ADCY1: variants seen among roughly 807,000 people sequenced by gnomAD.
The protein encoded by ADCY1 is adenylate cyclase type 1.
A neutral mutation model predicts 105.4 loss-of-function variants in ADCY1; 28 were observed. The ratio of observed to expected loss-of-function variants is 0.27; its 90% CI spans 0.20 to 0.36. ADCY1 has a LOEUF of 0.36. Among genes scored for constraint, ADCY1 ranks in the 10% least tolerant of loss-of-function variants. ADCY1 has a pLI of 1.00. For synonymous variants in ADCY1, 655 were observed against 623.8 expected, an observed-to-expected ratio of 1.05 and a Z score of -0.75; for missense variants, 977 against 1,434.2, an observed-to-expected ratio of 0.68 and a Z score of 5.15.
chr7:45,628,710 C>CG (rs1472045335), intron 4 of ADCY1, among the ~76,000 whole-genome samples: 1 of 152,162 alleles, frequency 6.6e-6, no homozygotes, highest in African/African-American at 2.4e-5. Context: ...ACATAATACT[C>CG]TGTCTTCTGC....
At chr7:45,705,449 T>C (rs1030880539) in intron 17 of ADCY1, among the ~76,000 whole-genome samples, 2 of 152,080 alleles carry the variant, frequency 1.3e-5, no homozygotes, top group African/African-American at 4.8e-5. Flanking sequence ...TTTCATCAAA[T>C]CAACAGGATA....
intron 2 of ADCY1, among the ~76,000 whole-genome samples, chr7:45,609,220 C>T (rs1480468467): frequency 2.0e-5 from 3 of 152,218 alleles, no homozygotes; most frequent in Admixed American, 1.3e-4. Context: ...GGTGTCTGGG[C>T]ACCTGTGCTC....
chr7:45,636,654 C>T (rs1383411922), intron 4 of ADCY1, among the ~76,000 whole-genome samples: 1 of 152,196 alleles, frequency 6.6e-6, no homozygotes, highest in East Asian at 1.9e-4. Context: ...GATTCTCCTG[C>T]CTCAACCTCT....
At position 45,703,860 on chromosome 7, in the gene ADCY1, G is replaced by A. The variant is rs1584343629; in HGVS notation, c.2718+114G>A. On this transcript the variant is annotated intron_variant, in intron 16 of 19. Transcript: ENST00000297323. The surrounding 1 kb of genome is among the most constrained non-coding windows in gnomAD (Gnocchi z 5.9). The stretch of plus-strand genomic sequence containing the variant: ...TTCTTCGTAGCTGGAATGAGAGAAA[G>A]CAAATCCCGGGAAGCACAGGCATTC... 1.4e-6 allele frequency: 2 copies of A among 1,403,638 alleles called. No individual in the cohort carries two copies. The highest frequency in any genetic ancestry group is 2.9e-5 in the African/African-American group (2 of 69,604). 86.9% of individuals were successfully genotyped at this position (1,403,638 alleles called of 1,614,324 possible).
intron 17 of ADCY1, among the ~76,000 whole-genome samples, chr7:45,706,789 A>T (rs117603491): frequency 0.015 from 2,301 of 152,296 alleles, 25 homozygotes; most frequent in South Asian, 0.038. Context: ...TTAGTAGAAA[A>T]TCTTTGCAAG....
In ADCY1 at chr7:45,714,714, T is replaced by G. The variant is rs1785330470; in HGVS notation, c.*719T>G. The G allele has an allele frequency of 6.6e-6, 1 of 152,656 alleles. No homozygotes were observed. Among genetic ancestry groups the G allele is most frequent in the African/African-American group, 2.4e-5 (1 of 41,458 alleles). 9.5% of individuals were successfully genotyped at this position (152,656 alleles called of 1,614,324 possible). ...TCTTCTGGAGTTCTCAGGGGGGCCC[T>G]GTGACCCCCTCTCCACAACCATGGC... On this transcript the variant is annotated 3_prime_UTR_variant, in exon 20 of 20. Coordinates refer to ENST00000297323, the MANE Select transcript of ADCY1 (RefSeq NM_021116.4).
intron 4 of ADCY1, among the ~76,000 whole-genome samples, chr7:45,634,929 A>ATGGT (rs1562699230): frequency 6.6e-6 from 1 of 152,172 alleles, no homozygotes; most frequent in African/African-American, 2.4e-5. Context: ...TATTCTGTAC[A>ATGGT]TGGTGTCAAG....
intron 2 of ADCY1, among the ~76,000 whole-genome samples, chr7:45,607,778 C>CT (rs1304330473): frequency 1.3e-5 from 2 of 151,914 alleles, no homozygotes; most frequent in African/African-American, 4.8e-5. Flanking sequence ...TCATTTCATT[C>CT]TTTTTTATGG....
At chr7:45,598,909 C>A (rs1218046115) in intron 2 of ADCY1, among the ~76,000 whole-genome samples, 1 of 152,202 alleles carries the variant, frequency 6.6e-6, no homozygotes, top group Non-Finnish European at 1.5e-5. Context: ...GCAGGAAAAG[C>A]CTCTTTCTCA....
At chr7:45,576,860 G>A (rs1792364542) in intron 1 of ADCY1, among the ~76,000 whole-genome samples, 1 of 152,128 alleles carries the variant, frequency 6.6e-6, no homozygotes, top group African/African-American at 2.4e-5. Context: ...CAACCACACT[G>A]CATTCTCTCT....
intron 4 of ADCY1, among the ~76,000 whole-genome samples, chr7:45,631,732 A>G (rs1343349075): frequency 1.3e-5 from 2 of 152,226 alleles, no homozygotes; most frequent in East Asian, 1.9e-4. Context: ...ACATTGTCCT[A>G]AGGAAAACTC....
At chr7:45,696,886 G>A (rs1192656381) in intron 14 of ADCY1, among the ~76,000 whole-genome samples, 8 of 152,194 alleles carry the variant, frequency 5.3e-5, no homozygotes, top group African/African-American at 1.9e-4. Flanking sequence ...CGAGGAGTGT[G>A]GAAGACAGAA....
At position 45,673,692 on chromosome 7, in the gene ADCY1, T is replaced by A. The variant is rs114090230; in HGVS notation, c.1606-4177T>A. ...GGCTTGCAGTGATTTGCCAACTTGA[T>A]TGATAATTTTCAAAGAACCAACTTT... On this transcript the variant is annotated intron_variant, in intron 8 of 19. Coordinates refer to ENST00000297323, the MANE Select transcript of ADCY1 (RefSeq NM_021116.4). 2.5e-3 allele frequency among the ~76,000 whole-genome samples: 373 copies of A among 152,110 alleles called. 2 individuals are homozygous for A. Among genetic ancestry groups the A allele is most frequent in the African/African-American group, 8.6e-3 (356 of 41,558 alleles).
At chr7:45,650,030 GAGA>G (rs1290584587) in intron 5 of ADCY1, among the ~76,000 whole-genome samples, 7 of 152,288 alleles carry the variant, frequency 4.6e-5, no homozygotes, top group Admixed American at 1.3e-4. Flanking sequence ...GCCTGGCGTG[GAGA>G]AGACTTAGAA....
Position 45,592,649 on chromosome 7 carries a change from C to T in ADCY1, c.640-110C>T, listed in dbSNP as rs144653638. The T allele has an allele frequency of 6.3e-5, 94 of 1,484,742 alleles. No individual in the cohort carries two copies. In the East Asian group the frequency reaches 8.4e-4, roughly 13 times the overall value. 92.0% of individuals were successfully genotyped at this position (1,484,742 alleles called of 1,614,324 possible). ...CTGGCCCTGCGCTGTGGGTTTGGCC[C>T]GGGCGGCGTGGCTTTTGGAGAGCTC... On this transcript the variant is annotated intron_variant, in intron 1 of 19. Transcript: ENST00000297323.
At chr7:45,587,241 C>T (rs1397448930) in intron 1 of ADCY1, among the ~76,000 whole-genome samples, 3 of 152,166 alleles carry the variant, frequency 2.0e-5, no homozygotes, top group Non-Finnish European at 2.9e-5. Context: ...ATGCTCTGCC[C>T]AGAGCTGTGG....
intron 2 of ADCY1, among the ~76,000 whole-genome samples, chr7:45,594,386 T>C (rs12535170): frequency 6.6e-6 from 1 of 152,216 alleles, no homozygotes; most frequent in Non-Finnish European, 1.5e-5. Flanking sequence ...CCTTATTTTG[T>C]TACCACCATA....
chr7:45,632,639 T>C (rs1329181194), intron 4 of ADCY1, among the ~76,000 whole-genome samples: 1 of 152,016 alleles, frequency 6.6e-6, no homozygotes, highest in South Asian at 2.1e-4. Context: ...TCACAGGTCA[T>C]TGCAGCCTCC....
rs574849028 is a variant in ADCY1, at chr7:45,647,270, G to A, written c.1021-1400G>A. Among the ~76,000 whole-genome samples the A allele has an allele frequency of 2.1e-4, 32 of 152,344 alleles. No homozygotes were observed. In the East Asian group the frequency reaches 5.4e-3, roughly 26 times the overall value. ...CAGCCTGGGAACTGGGGCTCCCAGC[G>A]GTCGGTGTGGCCTGTCCCTGTCCTG... is the stretch of plus-strand genomic sequence containing the variant. On this transcript the variant is annotated intron_variant, in intron 4 of 19. Coordinates refer to ENST00000297323, the MANE Select transcript of ADCY1 (RefSeq NM_021116.4). The surrounding 1 kb of genome is among the most constrained non-coding windows in gnomAD (Gnocchi z 4.6).
Sources: allele counts gnomAD v4.1 joint callset (sites outside exome capture counted in the v4.1 genomes callset), GRCh38; gene constraint gnomAD v4.1.1; non-coding constraint Gnocchi (gnomAD v3.1); transcripts MANE v1.5; gene names NCBI Gene and HGNC (gene_info 2026-07-23, HGNC 2026-07-21).